TRIM38: variants seen among roughly 807,000 people sequenced by gnomAD.
The protein encoded by TRIM38 is E3 ubiquitin-protein ligase TRIM38.
Under a neutral mutation model 35.8 loss-of-function variants are expected in TRIM38, and 35 were observed. That is an observed-to-expected ratio of 0.98 (90% CI 0.75 to 1.30). The LOEUF (loss-of-function observed/expected upper bound fraction) is 1.30. Among genes scored for constraint, TRIM38 ranks in the 50% most tolerant of loss-of-function variants. TRIM38 has a pLI of 0.00. For synonymous variants in TRIM38, 198 were observed against 204.7 expected (o/e 0.97, Z 0.28); for missense variants, 545 against 556.9 (o/e 0.98, Z 0.21).
At chr6:25,977,635 C>A (rs1382799282) in intron 7 of TRIM38, among the ~76,000 whole-genome samples, 1 of 148,630 alleles carries the variant, frequency 6.7e-6, no homozygotes, top group Non-Finnish European at 1.5e-5. Flanking sequence ...CCACTGCACT[C>A]CAGCTTGAGC....
intron 3 of TRIM38, 95 bp downstream of exon 3, chr6:25,967,028 T>A: frequency 7.7e-7 from 1 of 1,296,830 alleles, no homozygotes; most frequent in South Asian, 1.5e-5. Flanking sequence ...ACATTATGAC[T>A]TGGAAATACA....
rs757765424 is a variant in TRIM38 at position 25,973,254 on chromosome 6, C to T, written c.843C>T (p.Phe281=). 5.6e-6 allele frequency: 9 copies of T among 1,613,676 alleles called. No individual in the cohort carries two copies. The highest frequency in any genetic ancestry group is 1.3e-5 in the African/African-American group (1 of 74,846). Residue 281 remains phenylalanine (F), a synonymous_variant, in exon 7 of 8, where the codon TTC becomes TTT. Coordinates refer to ENST00000357085, the MANE Select transcript of TRIM38 (RefSeq NM_006355.5). ...HTMCNVSKLY[F]DVKKMLRSHQ... is the part of the protein sequence containing the mutation. Reference sequence around the variant, plus strand: ...TGTGCAATGTTTCCAAGCTTTACTTCGATGTGAAGAAAATGTTAAGGAGTC... The same window carrying T: ...TGTGCAATGTTTCCAAGCTTTACTTTGATGTGAAGAAAATGTTAAGGAGTC...
intron 2 of TRIM38, among the ~76,000 whole-genome samples, chr6:25,964,299 G>A (rs1417672732): frequency 6.6e-6 from 1 of 152,054 alleles, no homozygotes; most frequent in Admixed American, 6.6e-5. Flanking sequence ...AAATATGTAT[G>A]TATAACGTTT....
chr6:25,973,357 G>A, intron 7 of TRIM38, 72 bp downstream of exon 7: 1 of 1,563,448 alleles, frequency 6.4e-7, no homozygotes, highest in Non-Finnish European at 8.7e-7. Flanking sequence ...TTTACCACCT[G>A]TCCCTTGGCA....
At chr6:25,969,217 A>G (rs1760152286) in intron 3 of TRIM38, 108 bp from the exon 4 acceptor site, 2 of 826,960 alleles carry the variant, frequency 2.4e-6, no homozygotes, top group South Asian at 3.8e-5. Context: ...TGAGGACTCT[A>G]TAAATATTCA....
chr6:25,981,981 A>T (rs951350641), intron 7 of TRIM38, among the ~76,000 whole-genome samples: 1 of 152,176 alleles, frequency 6.6e-6, no homozygotes, highest in African/African-American at 2.4e-5. Context: ...TTGTTAGAAG[A>T]GCTGAAGCAG....
chr6:25,980,818 CTA>C (rs1374586387), intron 7 of TRIM38, among the ~76,000 whole-genome samples: 1 of 152,174 alleles, frequency 6.6e-6, no homozygotes, highest in Non-Finnish European at 1.5e-5. Flanking sequence ...TCCAATCTTT[CTA>C]TATGTTTTTG....
At position 25,984,909 on chromosome 6, in the gene TRIM38, A is replaced by G. The variant is rs950023827; in HGVS notation, c.*1222A>G. ...ACAACATCACCTCTGAGAATAGGAG[A>G]AATGAAGCAACAGTTGTGTCTAGAT... On this transcript the variant is annotated 3_prime_UTR_variant, in exon 8 of 8. Transcript: ENST00000357085. 4 of 152,340 alleles carry G rather than the reference A, an allele frequency of 2.6e-5. No individual in the cohort carries two copies. The highest frequency in any genetic ancestry group is 9.7e-5 in the African/African-American group (4 of 41,450). The allele number at this position is 152,340 out of a possible 1,614,324, so 9.4% of individuals were successfully genotyped here. A position where few individuals can be genotyped will look rare whatever the true frequency, so the allele number is the denominator to read the frequency against.
rs946708597 is a variant in TRIM38 at position 25,973,344 on chromosome 6, A to C, written c.874+59A>C. Reference sequence around the variant, plus strand: ...ATAGAAGGGGCCTTATGCAGTAACCAAGTTTACCACCTGTCCCTTGGCAGG... The same window carrying C: ...ATAGAAGGGGCCTTATGCAGTAACCCAGTTTACCACCTGTCCCTTGGCAGG... On this transcript the variant is annotated intron_variant, in intron 7 of 7. Transcript: ENST00000357085. 5 of 1,580,922 alleles carry C rather than the reference A, an allele frequency of 3.2e-6. No homozygotes were observed. The African/African-American group carries it at 4.1e-5, about 13-fold the overall frequency.
chr6:25,981,789 G>GT (rs1760551416), intron 7 of TRIM38, among the ~76,000 whole-genome samples: 1 of 152,200 alleles, frequency 6.6e-6, no homozygotes, highest in African/African-American at 2.4e-5. Flanking sequence ...AATGTTGGTG[G>GT]TTATTCAGTA....
chr6:25,965,320 C>T (rs75599622), intron 2 of TRIM38, among the ~76,000 whole-genome samples: 1,968 of 152,240 alleles, frequency 0.013, 86 homozygotes, highest in East Asian at 0.039. Context: ...AATGTGGCAA[C>T]TGGAACAGAA....
rs1429556556 is a variant in TRIM38, at chr6:25,971,896, A to G, written c.535A>G (p.Ile179Val). 6.2e-7 allele frequency: 1 copy of G among 1,614,210 alleles called. No individual in the cohort carries two copies. The highest frequency in any genetic ancestry group is 8.5e-7 in the Non-Finnish European group (1 of 1,180,008). ...GAAGGTACAGATTCAGAGACAAAAA[A>G]TCCGGTCTGACTTTAAGAATCTCCA... is the stretch of plus-strand genomic sequence containing the variant. ...KEKVQIQRQK[I>V]RSDFKNLQCF... The change falls in exon 5 of 8, where the codon ATC becomes GTC. Residue 179 changes from isoleucine (I) to valine (V), a missense_variant. By Grantham distance (29) the Ile-to-Val change is conservative. Transcript: ENST00000357085.
chr6:25,966,646 G>C lies in TRIM38; in HGVS notation c.124G>C (p.Asp42His), dbSNP rs1760058768. The change falls in exon 3 of 8, where the codon GAC becomes CAC. Residue 42 changes from aspartate (D) to histidine (H), a missense_variant. Asp to His is a moderately conservative substitution (Grantham distance 81). Coordinates refer to ENST00000357085, the MANE Select transcript of TRIM38 (RefSeq NM_006355.5). ...GHSYCHLCIT[D>H]FFKNPSQKQL... ...CAGCTACTGCCACTTGTGTATAACA[G>C]ACTTCTTTAAAAACCCAAGCCAAAA... The C allele has an allele frequency of 1.9e-6, 3 of 1,614,148 alleles. No individual in the cohort carries two copies.
chr6:25,966,955 C>A (rs771717359), intron 3 of TRIM38, 22 bp downstream of exon 3: 1 of 1,577,874 alleles, frequency 6.3e-7, no homozygotes, highest in Non-Finnish European at 8.6e-7. Flanking sequence ...GGCCCGGGAG[C>A]TTTGGTAAGT....
chr6:25,983,501 T>A lies in TRIM38; in HGVS notation c.1212T>A (p.His404Gln), dbSNP rs756845686. The change falls in exon 8 of 8, where the codon CAT (histidine) becomes CAA (glutamine). Residue 404 changes from histidine (H) to glutamine (Q), a missense_variant. His to Gln is a conservative substitution (Grantham distance 24). Coordinates refer to ENST00000357085, the MANE Select transcript of TRIM38 (RefSeq NM_006355.5). ...TTACTTCTCCCCCAACTTCCCTTCA[T>A]CTGCATGAGCAGCCCCTGCTTGTGG... Reference protein sequence around the residue: ...VALTSPPTSLHLHEQPLLVGI... With the variant: ...VALTSPPTSLQLHEQPLLVGI... 6.2e-6 allele frequency: 10 copies of A among 1,614,014 alleles called. No individual in the cohort carries two copies. The highest frequency in any genetic ancestry group is 3.3e-5 in the Admixed American group (2 of 60,000).
chr6:25,976,549 G>A (rs1412361839), intron 7 of TRIM38, among the ~76,000 whole-genome samples: 1 of 152,210 alleles, frequency 6.6e-6, no homozygotes, highest in African/African-American at 2.4e-5. Context: ...GGGATTACAG[G>A]CATGAACCAC....
chr6:25,965,648 G>A (rs1322990529), intron 2 of TRIM38, among the ~76,000 whole-genome samples: 6 of 152,108 alleles, frequency 3.9e-5, no homozygotes, highest in African/African-American at 1.4e-4. Context: ...AAAAGAGGCT[G>A]GGCACGGTGG....
rs369172449 is a variant in TRIM38, at chr6:25,969,437, A to G, written c.507+17A>G. 24 of 1,590,946 alleles carry G rather than the reference A, an allele frequency of 1.5e-5. No homozygotes were observed. Among genetic ancestry groups the G allele is most frequent in the Non-Finnish European group, 1.8e-5 (21 of 1,165,558 alleles). ...AAATGGAAAGTAAGAATCTGACTTCATTGATCTCAAGCTATTTTCCATTCT... is the reference window on the plus strand; with the variant it reads ...AAATGGAAAGTAAGAATCTGACTTCGTTGATCTCAAGCTATTTTCCATTCT... On this transcript the variant is annotated intron_variant, in intron 4 of 7. Coordinates refer to ENST00000357085, the MANE Select transcript of TRIM38 (RefSeq NM_006355.5).
At chr6:25,963,785 C>T (rs946202383) in intron 2 of TRIM38, among the ~76,000 whole-genome samples, 1 of 152,146 alleles carries the variant, frequency 6.6e-6, no homozygotes, top group African/African-American at 2.4e-5. Context: ...CATTATCCTC[C>T]TGGTTGGGTC....
Sources: gnomAD v4.1 joint callset for allele counts (sites outside exome capture counted in the v4.1 genomes callset) on GRCh38, gnomAD v4.1.1 for gene constraint, MANE v1.5 for transcripts, NCBI Gene and HGNC (gene_info 2026-07-23, HGNC 2026-07-21) for gene names.